SLC2A14: variants seen among roughly 807,000 people sequenced by gnomAD.
SLC2A14 encodes solute carrier family 2, facilitated glucose transporter member 14.
A neutral mutation model predicts 43.0 loss-of-function variants in SLC2A14; 13 were observed. The ratio of observed to expected loss-of-function variants is 0.30; its 90% CI spans 0.20 to 0.48. The LOEUF (loss-of-function observed/expected upper bound fraction) is 0.48. SLC2A14 is among the 20% of genes least tolerant of loss of function. The probability of loss-of-function intolerance (pLI) is 0.99; values close to 1 mark genes in which losing one functional copy is unlikely to be tolerated. For synonymous variants in SLC2A14, 190 were observed against 233.8 expected (o/e 0.81, Z 1.71); for missense variants, 428 against 620.4 (o/e 0.69, Z 3.29).
chr12:7,863,455 T>C (rs1357134988), intron 2 of SLC2A14: 5 of 452,572 alleles, frequency 1.1e-5, no homozygotes, highest in African/African-American at 1.0e-4. Flanking sequence ...TGAAACTCCA[T>C]CTCTATTAAA....
intron 2 of SLC2A14, among the ~76,000 whole-genome samples, chr12:7,862,286 A>G (rs1944610995): frequency 1.3e-5 from 2 of 151,154 alleles, no homozygotes; most frequent in Admixed American, 6.6e-5. Flanking sequence ...AAAAAAAAAA[A>G]AAGAAGACAC....
At chr12:7,862,449 G>A (rs949755305) in intron 2 of SLC2A14, among the ~76,000 whole-genome samples, 13 of 152,144 alleles carry the variant, frequency 8.5e-5, no homozygotes, top group African/African-American at 3.1e-4. Flanking sequence ...CCTGCAGCCC[G>A]CCATGCCTGA....
intron 2 of SLC2A14, among the ~76,000 whole-genome samples, chr12:7,864,068 G>C (rs995404748): frequency 1.3e-5 from 2 of 151,844 alleles, no homozygotes; most frequent in Non-Finnish European, 2.9e-5. Flanking sequence ...TGCACGCCTC[G>C]GCCTCACAAA....
intron 1 of SLC2A14, among the ~76,000 whole-genome samples, chr12:7,870,326 A>G (rs1170723341): frequency 6.6e-6 from 1 of 152,140 alleles, no homozygotes; most frequent in African/African-American, 2.4e-5. Flanking sequence ...AATGTGGTTT[A>G]CCTTGCCATA....
At chr12:7,857,137 C>G (rs1944296060) in intron 2 of SLC2A14, among the ~76,000 whole-genome samples, 1 of 152,036 alleles carries the variant, frequency 6.6e-6, no homozygotes, top group African/African-American at 2.4e-5. Flanking sequence ...GTAGTTCCAG[C>G]TACTCGGGAG....
At chr12:7,816,999 C>T (rs1342721600) in intron 10 of SLC2A14, among the ~76,000 whole-genome samples, 2 of 152,074 alleles carry the variant, frequency 1.3e-5, no homozygotes, top group East Asian at 3.9e-4. Context: ...TGAGCCACTG[C>T]TCCCGGGTGC....
intron 1 of SLC2A14, among the ~76,000 whole-genome samples, chr12:7,879,695 T>TA (rs1462252096): frequency 6.7e-6 from 1 of 149,688 alleles, no homozygotes; most frequent in Non-Finnish European, 1.5e-5. Context: ...AAAAAATAAA[T>TA]AAAAAAAATA....
At chr12:7,832,120 C>G (rs989013218) in intron 3 of SLC2A14, among the ~76,000 whole-genome samples, 1 of 152,146 alleles carries the variant, frequency 6.6e-6, no homozygotes, top group African/African-American at 2.4e-5. Context: ...AACAAACAAA[C>G]AAACAAAACA....
chr12:7,840,019 G>A (rs1471798099), intron 2 of SLC2A14: 11 of 348,060 alleles, frequency 3.2e-5, no homozygotes, highest in Non-Finnish European at 4.5e-5. Flanking sequence ...GGCTGAGGTG[G>A]GAGGATCACT....
intron 7 of SLC2A14, among the ~76,000 whole-genome samples, chr12:7,823,254 G>A (rs7308065): frequency 0.61 from 92,455 of 151,654 alleles, 28,409 homozygotes; most frequent in African/African-American, 0.69. Context: ...GTGGTGGTGG[G>A]TACCTATAAT....
intron 6 of SLC2A14, 139 bp downstream of exon 6, chr12:7,828,565 A>G: frequency 1.1e-6 from 1 of 949,186 alleles, no homozygotes; most frequent in Non-Finnish European, 1.5e-6. Context: ...AGAAAAAACA[A>G]AGTAGAGTAA....
intron 2 of SLC2A14, among the ~76,000 whole-genome samples, chr12:7,856,839 A>AT (rs200793187): frequency 0.093 from 13,634 of 146,200 alleles, 754 homozygotes; most frequent in East Asian, 0.27. Context: ...ATGAATGCTA[A>AT]TTTTTTTTTT....
Position 7,817,480 on chromosome 12 carries a change from G to A in SLC2A14, c.1275+351C>T, listed in dbSNP as rs1185615341. On this transcript the variant is annotated intron_variant, in intron 10 of 10. Coordinates refer to ENST00000431042, the MANE Select transcript of SLC2A14 (RefSeq NM_001286234.2). The stretch of plus-strand genomic sequence containing the variant: ...CTACGTAGGCTGGTTTTAAGATAAG[G>A]TGAGTTGGCCGGGCATGGTGGCTCA... Among the ~76,000 whole-genome samples the A allele has an allele frequency of 3.9e-5, 6 of 151,908 alleles. No homozygotes were observed. The East Asian group carries it at 7.8e-4, about 20-fold the overall frequency.
rs1352732119 is a variant in SLC2A14 at position 7,831,563 on chromosome 12, T to A, written c.272+41A>T. 3.1e-6 allele frequency: 5 copies of A among 1,611,272 alleles called. No individual in the cohort carries two copies. In the African/African-American group the frequency reaches 5.3e-5, roughly 17 times the overall value. On this transcript the variant is annotated intron_variant, in intron 4 of 10. Transcript: ENST00000431042. ...ACTCTCCACACTTGTCCCCAATGCA[T>A]CTGGTAGAGCCCACTTCCTTGCCCA...
At chr12:7,814,793 G>GTAT (rs755496466) in intron 10 of SLC2A14, among the ~76,000 whole-genome samples, 207 of 150,964 alleles carry the variant, frequency 1.4e-3, no homozygotes, top group African/African-American at 4.0e-3. Context: ...GGACTTTTGA[G>GTAT]TATTATTATT....
chr12:7,854,012 AAGTT>A (rs1287719347), intron 2 of SLC2A14, among the ~76,000 whole-genome samples: 2 of 152,230 alleles, frequency 1.3e-5, no homozygotes, highest in Middle Eastern at 3.4e-3. Context: ...GTTGTCTCGT[AAGTT>A]AGTTAAGTTT....
intron 2 of SLC2A14, among the ~76,000 whole-genome samples, chr12:7,861,342 T>C (rs775672226): frequency 2.8e-4 from 43 of 152,162 alleles, no homozygotes; most frequent in Non-Finnish European, 5.0e-4. Flanking sequence ...AAGAAAATTT[T>C]TTTATGTTTA....
intron 1 of SLC2A14, chr12:7,890,834 G>A (rs947068627): frequency 6.2e-5 from 40 of 642,366 alleles, no homozygotes; most frequent in Non-Finnish European, 7.7e-5. Context: ...GGACAGCTGC[G>A]GGCAAGCTCA....
At position 7,826,464 on chromosome 12, in the gene SLC2A14, T is replaced by C. The variant is rs771501162; in HGVS notation, c.864+1031A>G. Among the ~76,000 whole-genome samples the C allele has an allele frequency of 1.1e-4, 16 of 152,252 alleles. No homozygotes were observed. The East Asian group carries it at 3.1e-3, about 29-fold the overall frequency. On this transcript the variant is annotated intron_variant, in intron 7 of 10. Coordinates refer to ENST00000431042, the MANE Select transcript of SLC2A14 (RefSeq NM_001286234.2). ...GAGAAAAGGCCAAGAACCAACTTAG[T>C]ATTAAAATGCTCAAAATACTAAGTT...
Sources: gnomAD v4.1 joint callset for allele counts (sites outside exome capture counted in the v4.1 genomes callset) on GRCh38, gnomAD v4.1.1 for gene constraint, MANE v1.5 for transcripts, NCBI Gene and HGNC (gene_info 2026-07-23, HGNC 2026-07-21) for gene names.